MLLT3: variants seen among roughly 807,000 people sequenced by gnomAD.
MLLT3 encodes the protein MLLT3 super elongation complex subunit, also known as protein AF-9.
A neutral mutation model predicts 53.2 loss-of-function variants in MLLT3; 4 were observed. The observed-to-expected ratio is 0.08, with a 90% CI of 0.04 to 0.17. The LOEUF (loss-of-function observed/expected upper bound fraction) is 0.17, where lower values mean the gene tolerates loss of function less well. MLLT3 is among the 10% of genes least tolerant of loss of function. The pLI, the probability that MLLT3 is intolerant of heterozygous loss-of-function variation, is 1.00. For synonymous variants in MLLT3, 283 were observed against 230.6 expected, an observed-to-expected ratio of 1.23 and a Z score of -2.06; for missense variants, 569 against 684.0, an observed-to-expected ratio of 0.83 and a Z score of 1.87.
At chr9:20,598,898 G>A (rs1175842749) in intron 2 of MLLT3, among the ~76,000 whole-genome samples, 1 of 152,094 alleles carries the variant, frequency 6.6e-6, no homozygotes, top group Admixed American at 6.6e-5. Context: ...TGCTGCTTTA[G>A]GCTTCTGATT....
Position 20,353,603 on chromosome 9 carries a change from G to A in MLLT3, c.1504-7C>T, listed in dbSNP as rs1821091440. 1.2e-6 allele frequency: 2 copies of A among 1,612,658 alleles called. No homozygotes were observed. Among genetic ancestry groups the A allele is most frequent in the South Asian group, 1.1e-5 (1 of 91,034 alleles). On this transcript the variant is annotated splice_region_variant and splice_polypyrimidine_tract_variant and intron_variant, in intron 9 of 10. Coordinates refer to ENST00000380338, the MANE Select transcript of MLLT3 (RefSeq NM_004529.4). ...CCAGTTCATCTAGGTATGCCTGAAA[G>A]AGAAGAATGTCCCCGAAAAGGACAA...
At chr9:20,619,167 T>C (rs1275118885) in intron 2 of MLLT3, among the ~76,000 whole-genome samples, 1 of 152,238 alleles carries the variant, frequency 6.6e-6, no homozygotes, top group Non-Finnish European at 1.5e-5. Flanking sequence ...ATATGAAATA[T>C]AATAATCTCT....
At chr9:20,622,191 G>A (rs1821039060) in intron 1 of MLLT3, 54 bp downstream of exon 1, 9 of 1,543,288 alleles carry the variant, frequency 5.8e-6, no homozygotes, top group Admixed American at 1.7e-5. Context: ...GGCGGCGCAG[G>A]GCGAGGAAGG....
At chr9:20,539,583 GACTC>G (rs1418159529) in intron 2 of MLLT3, among the ~76,000 whole-genome samples, 3 of 152,070 alleles carry the variant, frequency 2.0e-5, no homozygotes, top group Non-Finnish European at 4.4e-5. Context: ...TGTGAGAACT[GACTC>G]ACTATCACAG....
At chr9:20,493,953 T>C (rs1586993212) in intron 2 of MLLT3, among the ~76,000 whole-genome samples, 1 of 152,014 alleles carries the variant, frequency 6.6e-6, no homozygotes, top group Non-Finnish European at 1.5e-5. Context: ...CATACCTCCT[T>C]CCTCACTTTT....
At chr9:20,476,250 C>T (rs546990166) in intron 2 of MLLT3, among the ~76,000 whole-genome samples, 1 of 152,224 alleles carries the variant, frequency 6.6e-6, no homozygotes, top group African/African-American at 2.4e-5. Flanking sequence ...ATACACTCTT[C>T]AGATTTTGTG....
chr9:20,350,403 G>A lies in MLLT3; in HGVS notation c.1575+3122C>T, dbSNP rs995789793. 3.3e-5 allele frequency among the ~76,000 whole-genome samples: 5 copies of A among 152,048 alleles called. No homozygotes were observed. In the South Asian group the frequency reaches 6.3e-4, roughly 19 times the overall value. On this transcript the variant is annotated intron_variant, in intron 10 of 10. Transcript: ENST00000380338. ...GAGGTCAGGAGATCAAGACCAACCC[G>A]GCTAAAACGGTGAAACCCCGTCTCT...
chr9:20,533,561 T>C (rs556206863), intron 2 of MLLT3, among the ~76,000 whole-genome samples: 2 of 152,316 alleles, frequency 1.3e-5, no homozygotes, highest in Admixed American at 6.5e-5. Context: ...ACTGGGTATA[T>C]GTCCTAAGGA....
chr9:20,519,568 T>C (rs1002470379), intron 2 of MLLT3, among the ~76,000 whole-genome samples: 3 of 152,076 alleles, frequency 2.0e-5, no homozygotes, highest in Non-Finnish European at 4.4e-5. Flanking sequence ...AAAGAATACA[T>C]ACATGTGGCC....
intron 2 of MLLT3, among the ~76,000 whole-genome samples, chr9:20,615,370 A>C (rs1376953240): frequency 7.5e-5 from 11 of 146,136 alleles, no homozygotes; most frequent in Admixed American, 2.1e-4. Context: ...GAAAAAAAAA[A>C]AAAAAAAAAA....
At chr9:20,532,097 C>T (rs1041050651) in intron 2 of MLLT3, among the ~76,000 whole-genome samples, 40 of 152,184 alleles carry the variant, frequency 2.6e-4, no homozygotes, top group Admixed American at 1.4e-3. Context: ...TTGTTAACGG[C>T]CCCTAAATGT....
At chr9:20,564,638 A>AGAATTCTGATTT (rs1819301219) in intron 2 of MLLT3, among the ~76,000 whole-genome samples, 1 of 152,174 alleles carries the variant, frequency 6.6e-6, no homozygotes, top group Non-Finnish European at 1.5e-5. Flanking sequence ...TTTAAACAAC[A>AGAATTCTGATTT]ACCAACTATT....
intron 2 of MLLT3, among the ~76,000 whole-genome samples, chr9:20,482,895 C>T (rs375531980): frequency 6.6e-6 from 1 of 152,118 alleles, no homozygotes; most frequent in Non-Finnish European, 1.5e-5. Flanking sequence ...ACACATTACC[C>T]GATAACCTGT....
intron 4 of MLLT3, among the ~76,000 whole-genome samples, chr9:20,436,110 C>T (rs1823395583): frequency 6.6e-6 from 1 of 152,176 alleles, no homozygotes; most frequent in African/African-American, 2.4e-5. Context: ...TCTCTACTTT[C>T]AAAACCCTGG....
rs71334530 is a variant in MLLT3, at chr9:20,504,350, T to TTGTGTGTGTGTG, written c.194-47576_194-47565dup. On this transcript the variant is annotated intron_variant, in intron 2 of 10. Transcript: ENST00000380338. ...TGTGAAATATATATCCCCAATGGAA[T>TTGTGTGTGTGTG]TGTGTGTGTGTGTGTGTGTGTGTAC... is the stretch of plus-strand genomic sequence containing the variant. Among the ~76,000 whole-genome samples the TTGTGTGTGTGTG allele has an allele frequency of 1.8e-3, 262 of 149,086 alleles. 2 individuals are homozygous for TTGTGTGTGTGTG. Among genetic ancestry groups the TTGTGTGTGTGTG allele is most frequent in the African/African-American group, 5.7e-3 (232 of 40,694 alleles).
intron 2 of MLLT3, among the ~76,000 whole-genome samples, chr9:20,549,206 G>T (rs1278775654): frequency 6.6e-6 from 1 of 152,162 alleles, no homozygotes; most frequent in South Asian, 2.1e-4. Context: ...TCAAATCACT[G>T]ATTAAATTAT....
At chr9:20,564,483 A>G (rs1251788657) in intron 2 of MLLT3, among the ~76,000 whole-genome samples, 4 of 152,166 alleles carry the variant, frequency 2.6e-5, no homozygotes, top group Admixed American at 2.0e-4. Context: ...ATTGCAAACT[A>G]AAAGAAAAAA....
intron 2 of MLLT3, among the ~76,000 whole-genome samples, chr9:20,618,270 T>A (rs1328591114): frequency 6.6e-6 from 1 of 152,248 alleles, no homozygotes; most frequent in Non-Finnish European, 1.5e-5. Context: ...TAAAAGGTAC[T>A]GGAAGTAGAC....
At chr9:20,376,947 A>T (rs1821780331) in intron 5 of MLLT3, among the ~76,000 whole-genome samples, 1 of 152,222 alleles carries the variant, frequency 6.6e-6, no homozygotes, top group African/African-American at 2.4e-5. Context: ...AGCAAAGTTC[A>T]CATGTACAGA....
Sources: allele counts gnomAD v4.1 joint callset (sites outside exome capture counted in the v4.1 genomes callset), GRCh38; gene constraint gnomAD v4.1.1; transcripts MANE v1.5; gene names NCBI Gene and HGNC (gene_info 2026-07-23, HGNC 2026-07-21).